FASTKD5: variants seen among roughly 807,000 people sequenced by gnomAD.
FASTKD5 encodes non-canonical pre-mRNAs endonuclease FASTKD5, mitochondrial.
A neutral mutation model predicts 44.0 loss-of-function variants in FASTKD5; 30 were observed. The ratio of observed to expected loss-of-function variants is 0.68; its 90% confidence interval spans 0.51 to 0.93. FASTKD5 has a LOEUF of 0.93. Among genes scored for constraint, FASTKD5 ranks in the 40% least tolerant of loss-of-function variants. The probability of loss-of-function intolerance (pLI) is 0.00; values close to 1 mark genes in which losing one functional copy is unlikely to be tolerated. For missense variants in FASTKD5, 868 were observed against 908.2 expected (o/e 0.96, Z 0.57); for synonymous variants, 335 against 342.2 (o/e 0.98, Z 0.23).
chr20:3,150,516 A>G (rs908506202), intron 1 of FASTKD5: 3 of 152,232 alleles, frequency 2.0e-5, no homozygotes, highest in African/African-American at 7.2e-5. Flanking sequence ...CTTAATGCTT[A>G]TTCTTTTTCT....
Position 3,157,207 on chromosome 20 carries a change from A to G in FASTKD5, c.-191+2559T>C, listed in dbSNP as rs116711261. Among the ~76,000 whole-genome samples, 1,135 of 152,276 alleles carry G rather than the reference A, an allele frequency of 7.5e-3. 17 individuals are homozygous for G. Among genetic ancestry groups the G allele is most frequent in the African/African-American group, 0.026 (1,078 of 41,540 alleles). On this transcript the variant is annotated intron_variant, in intron 1 of 1. Transcript: ENST00000380266. ...GAGGGCTTAGAGACTGGCAGTAAGG[A>G]CCTTAGCTGTTAATGTGGATGTTAA...
At chr20:3,154,513 C>T (rs914958234) in intron 1 of FASTKD5, among the ~76,000 whole-genome samples, 2 of 151,992 alleles carry the variant, frequency 1.3e-5, no homozygotes, top group Non-Finnish European at 2.9e-5. Flanking sequence ...GAGACCCCCA[C>T]CTCTACAAAA....
Position 3,148,441 on chromosome 20 carries a change from CAAA to C in FASTKD5, c.627_629del (p.Leu210del). ...GGATTCCTAAAATGACAAAAGCTTT[CAAA>C]ACATTGATCAGATCTTGGGTATCAA... is the stretch of plus-strand genomic sequence containing the variant. On this transcript the variant is annotated inframe_deletion, in exon 2 of 2. Transcript: ENST00000380266. The C allele has an allele frequency of 6.2e-7, 1 of 1,614,098 alleles. No individual in the cohort carries two copies. The highest frequency in any genetic ancestry group is 8.5e-7 in the Non-Finnish European group (1 of 1,180,022).
In FASTKD5 at chr20:3,147,950, A is replaced by T. The variant is rs2066585031; in HGVS notation, c.1121T>A (p.Met374Lys). The change falls in exon 2 of 2, where the codon ATG (methionine) becomes AAG (lysine). Residue 374 changes from methionine (M) to lysine (K), a missense_variant. Transcript: ENST00000380266. ...AGGAGCTATCTCTCCAATCTGCTTC[A>T]TGAAATTGATGTGATCCACGTGAGT... ...RFTHVDHINFMKQIGEIAPQR... is the reference protein window; with the variant it reads ...RFTHVDHINFKKQIGEIAPQR... 1.2e-6 allele frequency: 2 copies of T among 1,614,256 alleles called. No individual in the cohort carries two copies. Among genetic ancestry groups the T allele is most frequent in the South Asian group, 2.2e-5 (2 of 91,088 alleles).
intron 1 of FASTKD5, among the ~76,000 whole-genome samples, chr20:3,157,221 T>C (rs763389953): frequency 6.6e-6 from 1 of 152,222 alleles, no homozygotes; most frequent in East Asian, 1.9e-4. Flanking sequence ...TAGCTGTTAA[T>C]GTGGATGTTA....
chr20:3,146,867 A>G lies in FASTKD5; in HGVS notation c.2204T>C (p.Leu735Ser), dbSNP rs773686335. The G allele has an allele frequency of 3.1e-6, 5 of 1,614,218 alleles. No individual in the cohort carries two copies. The highest frequency in any genetic ancestry group is 4.2e-6 in the Non-Finnish European group (5 of 1,180,042). The change falls in exon 2 of 2, where the codon TTA becomes TCA. Residue 735 changes from leucine (L) to serine (S), a missense_variant. Leu to Ser is a moderately radical substitution (Grantham distance 145). Transcript: ENST00000380266. ...TAGTGGGAGCCATTCCCAGTAGGATAACTCTACCACACGGTAGCCAAGCCG... is the reference window on the plus strand; with the variant it reads ...TAGTGGGAGCCATTCCCAGTAGGATGACTCTACCACACGGTAGCCAAGCCG... ...LARLGYRVVE[L>S]SYWEWLPLLK... is the part of the protein sequence containing the mutation.
chr20:3,149,304 A>C lies in FASTKD5; in HGVS notation c.-190-44T>G. 1 of 525,748 alleles carries C rather than the reference A, an allele frequency of 1.9e-6. No homozygotes were observed. The highest frequency in any genetic ancestry group is 3.2e-5 in the South Asian group (1 of 30,946). The allele number at this position is 525,748 out of a possible 1,614,324, so 32.6% of individuals were successfully genotyped here. A position where few individuals can be genotyped will look rare whatever the true frequency, so the allele number is the denominator to read the frequency against. On this transcript the variant is annotated intron_variant, in intron 1 of 1. Transcript: ENST00000380266. The surrounding 1 kb of genome is among the most constrained non-coding windows in gnomAD (Gnocchi z 4.1). Reference sequence around the variant, plus strand: ...AAGAATGAGTGGCTTCTACCTATAAAAGCATCCAAATTTACACATTATAAA... The same window carrying C: ...AAGAATGAGTGGCTTCTACCTATAACAGCATCCAAATTTACACATTATAAA...
Position 3,147,595 on chromosome 20 carries a change from GA to G in FASTKD5, c.1475del (p.Phe492SerfsTer10), listed in dbSNP as rs1156548768. ...LEYFPVELIDFALSPGFVRLA... is the reference protein window; with the variant it reads ...LEYFPVELIDXALSPGFVRLA... ...ACCTGACAAACCCTGGACTGAGAGC[GA>G]AATCAATTAACTCTACTGGAAAGTA... is the stretch of plus-strand genomic sequence containing the variant. On this transcript the variant is annotated frameshift_variant, in exon 2 of 2. Transcript: ENST00000380266. LOFTEE classifies it high-confidence loss of function. The G allele has an allele frequency of 6.2e-7, 1 of 1,614,188 alleles. No homozygotes were observed. Among genetic ancestry groups the G allele is most frequent in the African/African-American group, 1.3e-5 (1 of 75,044 alleles).
chr20:3,152,884 C>T lies in FASTKD5; in HGVS notation c.-190-3624G>A, dbSNP rs185107229. 4.7e-5 allele frequency among the ~76,000 whole-genome samples: 7 copies of T among 148,140 alleles called. No homozygotes were observed. In the South Asian group the frequency reaches 1.1e-3, roughly 22 times the overall value. ...TCATACTACTGCATTGCAGCCTGGGCGAAAGAGCAAGACTGTCTCAAAAAA... is the reference window on the plus strand; with the variant it reads ...TCATACTACTGCATTGCAGCCTGGGTGAAAGAGCAAGACTGTCTCAAAAAA... On this transcript the variant is annotated intron_variant, in intron 1 of 1. Transcript: ENST00000380266.
intron 1 of FASTKD5, among the ~76,000 whole-genome samples, chr20:3,156,358 T>C (rs1230503998): frequency 6.6e-6 from 1 of 151,998 alleles, no homozygotes; most frequent in African/African-American, 2.4e-5. Context: ...TTGTATTTTT[T>C]GGTAGAGACG....
At chr20:3,154,286 C>A (rs532166827) in intron 1 of FASTKD5, among the ~76,000 whole-genome samples, 1 of 152,144 alleles carries the variant, frequency 6.6e-6, no homozygotes, top group East Asian at 1.9e-4. Flanking sequence ...ACCGGATAAT[C>A]CGGGCATGAA....
chr20:3,150,213 G>A (rs1293887503), intron 1 of FASTKD5, among the ~76,000 whole-genome samples: 1 of 152,050 alleles, frequency 6.6e-6, no homozygotes, highest in Non-Finnish European at 1.5e-5. Flanking sequence ...GAGTAATGGT[G>A]TTATTAGAAA....
chr20:3,147,724 T>C lies in FASTKD5; in HGVS notation c.1347A>G (p.Glu449=). Residue 449 remains glutamate, a synonymous_variant, in exon 2 of 2, where the codon GAA becomes GAG. Transcript: ENST00000380266. The stretch of plus-strand genomic sequence containing the variant: ...TCTCACTTATCAGGCTGGAGTAAAA[T>C]TCTTCTGCATTGGGTGGCTTATAAT... The part of the protein sequence containing the change: ...TLNYKPPNAE[E]FYSSLISEIH... 1 of 1,614,222 alleles carries C rather than the reference T, an allele frequency of 6.2e-7. No individual in the cohort carries two copies. Among genetic ancestry groups the C allele is most frequent in the South Asian group, 1.1e-5 (1 of 91,078 alleles).
rs751273447 is a variant in FASTKD5 at position 3,147,645 on chromosome 20, G to A, written c.1426C>T (p.Leu476=). Residue 476 remains leucine, a synonymous_variant, in exon 2 of 2, where the codon CTG becomes TTG. Coordinates refer to ENST00000380266, the MANE Select transcript of FASTKD5 (RefSeq NM_021826.5). ...TACTCCAAAAATGCCAGGCCCAGCA[G>A]GCAGGTGGGCAGGTGTTCTGGGTAC... ...NQYPEHLPTC[L]LGLAFLEYFP... 1.2e-6 allele frequency: 2 copies of A among 1,614,096 alleles called. No homozygotes were observed. Among genetic ancestry groups the A allele is most frequent in the Non-Finnish European group, 1.7e-6 (2 of 1,180,048 alleles).
rs1325450681 is a variant in FASTKD5, at chr20:3,149,295, T to A, written c.-190-35A>T. ...GGGTAGATGAAGAATGAGTGGCTTCTACCTATAAAAGCATCCAAATTTACA... is the reference window on the plus strand; with the variant it reads ...GGGTAGATGAAGAATGAGTGGCTTCAACCTATAAAAGCATCCAAATTTACA... On this transcript the variant is annotated intron_variant, in intron 1 of 1. Transcript: ENST00000380266. This position sits in a 1 kb window ranked among gnomAD's most constrained non-coding sequence, Gnocchi z 4.1. 1 of 544,334 alleles carries A rather than the reference T, an allele frequency of 1.8e-6. No homozygotes were observed. The highest frequency in any genetic ancestry group is 3.6e-5 in the Admixed American group (1 of 28,008). The allele number at this position is 544,334 out of a possible 1,614,324, so 33.7% of individuals were successfully genotyped here. A position where few individuals can be genotyped will look rare whatever the true frequency, so the allele number is the denominator to read the frequency against.
rs1568480638 is a variant in FASTKD5 at position 3,146,645 on chromosome 20, T to G, written c.*131A>C. 1 of 1,082,774 alleles carries G rather than the reference T, an allele frequency of 9.2e-7. No individual in the cohort carries two copies. Among genetic ancestry groups the G allele is most frequent in the East Asian group, 2.4e-5 (1 of 42,034 alleles). 67.1% of individuals were successfully genotyped at this position (1,082,774 alleles called of 1,614,324 possible). ...TAACATACACTAGCTCTAACCTGCC[T>G]TGGATACAATTAAGTCTCCTCAACA... On this transcript the variant is annotated 3_prime_UTR_variant, in exon 2 of 2. Transcript: ENST00000380266.
At chr20:3,151,775 A>G (rs1425104090) in intron 1 of FASTKD5, 1 of 152,148 alleles carries the variant, frequency 6.6e-6, no homozygotes, top group Non-Finnish European at 1.5e-5. Flanking sequence ...AGGAAATCCA[A>G]TTAATACTAC....
intron 1 of FASTKD5, among the ~76,000 whole-genome samples, chr20:3,157,686 G>T (rs1366716109): frequency 2.0e-5 from 3 of 152,128 alleles, no homozygotes; most frequent in African/African-American, 7.2e-5. Flanking sequence ...ATCTAAATGG[G>T]GCTTCTAGAG....
At chr20:3,152,985 G>A (rs2066647605) in intron 1 of FASTKD5, among the ~76,000 whole-genome samples, 2 of 151,938 alleles carry the variant, frequency 1.3e-5, no homozygotes, top group Non-Finnish European at 1.5e-5. Flanking sequence ...ATAGTAAAGC[G>A]AAAAACAGAA....
Sources: gnomAD v4.1 joint callset for allele counts (sites outside exome capture counted in the v4.1 genomes callset) on GRCh38, gnomAD v4.1.1 for gene constraint, Gnocchi (gnomAD v3.1) non-coding constraint, MANE v1.5 for transcripts, NCBI Gene and HGNC (gene_info 2026-07-23, HGNC 2026-07-21) for gene names.